Variants in NCOA6 observed in about 807,000 individuals in gnomAD.
The protein encoded by NCOA6 is nuclear receptor coactivator 6.
NCOA6 carries 49 observed loss-of-function variants against 171.4 expected under a neutral mutation model. The observed-to-expected ratio is 0.29, with a 90% CI of 0.23 to 0.36. The LOEUF (loss-of-function observed/expected upper bound fraction) is 0.36. Among genes scored for constraint, NCOA6 ranks in the 10% least tolerant of loss-of-function variants. The pLI is 1.00. For synonymous variants in NCOA6, 910 were observed against 927.5 expected, an observed-to-expected ratio of 0.98 and a Z score of 0.34; for missense variants, 2,248 against 2,554.5, an observed-to-expected ratio of 0.88 and a Z score of 2.59.
intron 1 of NCOA6, among the ~76,000 whole-genome samples, chr20:34,817,182 G>A (rs2378289): frequency 0.42 from 38,707 of 92,414 alleles, 11,465 homozygotes; most frequent in South Asian, 0.69. Context: ...TGGGTACTAC[G>A]GAACTGATAT....
intron 10 of NCOA6, among the ~76,000 whole-genome samples, chr20:34,745,398 G>A (rs1243323618): frequency 6.6e-6 from 1 of 152,164 alleles, no homozygotes; most frequent in Non-Finnish European, 1.5e-5. Flanking sequence ...ATGTGTCTGA[G>A]GCAAGCAGGC....
chr20:34,807,556 C>T (rs566233749), intron 1 of NCOA6, among the ~76,000 whole-genome samples: 1 of 152,126 alleles, frequency 6.6e-6, no homozygotes, highest in Non-Finnish European at 1.5e-5. Flanking sequence ...GATGGAGTCT[C>T]GCTCTGTCGC....
At chr20:34,717,681 T>C (rs1988775642) in intron 14 of NCOA6, among the ~76,000 whole-genome samples, 1 of 152,226 alleles carries the variant, frequency 6.6e-6, no homozygotes, top group Non-Finnish European at 1.5e-5. Flanking sequence ...TGGTGTTCTT[T>C]ATTTTAATTC....
Position 34,771,283 on chromosome 20 carries a change from C to T in NCOA6, c.392-2697G>A, listed in dbSNP as rs529671217. 2.6e-5 allele frequency among the ~76,000 whole-genome samples: 4 copies of T among 152,020 alleles called. No individual in the cohort carries two copies. In the East Asian group the frequency reaches 7.7e-4, roughly 29 times the overall value. ...TACAGGAGTATGCCAACATGCCTGG[C>T]TAATTTTTTTATTTTAAATTTTAAA... On this transcript the variant is annotated intron_variant, in intron 4 of 14. Coordinates refer to ENST00000359003, the MANE Select transcript of NCOA6 (RefSeq NM_014071.5).
chr20:34,732,688 C>A, intron 12 of NCOA6, 93 bp from the exon 13 acceptor site: 1 of 1,053,380 alleles, frequency 9.5e-7, no homozygotes, highest in Non-Finnish European at 1.4e-6. Context: ...CCTATTTAGG[C>A]TAAAGTGTCC....
At chr20:34,773,921 G>A (rs2077229637) in intron 4 of NCOA6, among the ~76,000 whole-genome samples, 1 of 152,138 alleles carries the variant, frequency 6.6e-6, no homozygotes, top group South Asian at 2.1e-4. Context: ...CAGGAGCATG[G>A]GAACAGAGAT....
At chr20:34,777,641 T>C (rs1399148695) in intron 3 of NCOA6, among the ~76,000 whole-genome samples, 2 of 151,336 alleles carry the variant, frequency 1.3e-5, no homozygotes, top group African/African-American at 2.4e-5. Context: ...CTGGAACCCT[T>C]GCGCACTGTC....
At chr20:34,800,936 A>G (rs1351798064) in intron 1 of NCOA6, among the ~76,000 whole-genome samples, 1 of 152,230 alleles carries the variant, frequency 6.6e-6, no homozygotes, top group Non-Finnish European at 1.5e-5. Context: ...CACATGGATC[A>G]TTCTCAAGGA....
chr20:34,721,238 C>CAAAAAAAAAAAAAA (rs10531679), intron 14 of NCOA6, among the ~76,000 whole-genome samples: 9 of 66,044 alleles, frequency 1.4e-4, no homozygotes, highest in African/African-American at 4.5e-4. Context: ...TTCCTCTATA[C>CAAAAAAAAAAAAAA]AAAAAAAAAA....
intron 4 of NCOA6, 47 bp from the exon 5 acceptor site, chr20:34,768,633 C>G: frequency 6.2e-7 from 1 of 1,605,338 alleles, no homozygotes; most frequent in East Asian, 2.2e-5. Context: ...GAATAAAATG[C>G]AAATTTTGTT....
rs1181687192 is a variant in NCOA6 at position 34,750,111 on chromosome 20, T to C, written c.2084A>G (p.His695Arg). Residue 695 changes from histidine (H) to arginine (R), a missense_variant, in exon 9 of 15, where the codon CAT becomes CGT. This residue lies in a region of NCOA6 where 987 missense variants were observed against 1,104.7 expected (regional missense o/e 0.89). Coordinates refer to ENST00000359003, the MANE Select transcript of NCOA6 (RefSeq NM_014071.5). Reference protein sequence around the residue: ...SQQGPQMMAPHNQMMGPQGQV... With the variant: ...SQQGPQMMAPRNQMMGPQGQV... ...CCCCTGAGGCCCCATCATCTGGTTA[T>C]GTGGCGCCATCATTTGTGGGCCCTG... 3 of 1,614,202 alleles carry C rather than the reference T, an allele frequency of 1.9e-6. No homozygotes were observed. The highest frequency in any genetic ancestry group is 4.5e-5 in the East Asian group (2 of 44,886).
chr20:34,717,722 A>T (rs1001005541), intron 14 of NCOA6, among the ~76,000 whole-genome samples: 1 of 152,346 alleles, frequency 6.6e-6, no homozygotes, highest in Admixed American at 6.5e-5. Context: ...CACAGCCCAC[A>T]TAACTCCCTA....
At chr20:34,814,322 G>C (rs1188904283) in intron 1 of NCOA6, among the ~76,000 whole-genome samples, 6 of 151,728 alleles carry the variant, frequency 4.0e-5, no homozygotes, top group African/African-American at 1.2e-4. Context: ...CTGGGTGACA[G>C]AGTAAGACTC....
chr20:34,762,940 C>T (rs1451382546), intron 5 of NCOA6, among the ~76,000 whole-genome samples: 2 of 152,098 alleles, frequency 1.3e-5, no homozygotes, highest in African/African-American at 2.4e-5. Context: ...AAAATTATTC[C>T]AATGCTTCCT....
Position 34,749,635 on chromosome 20 carries a change from T to G in NCOA6, c.2560A>C (p.Asn854His), listed in dbSNP as rs756739122. Residue 854 changes from asparagine to histidine, a missense_variant, in exon 9 of 15, where the codon AAT becomes CAT. Physicochemically the swap from Asn to His is moderately conservative, Grantham distance 68. Transcript: ENST00000359003. ...NHFSGHGMSF[N>H]APFSGAPNGN... ...TTGGGAGCTCCACTGAAAGGTGCAT[T>G]GAAAGACATCCCATGGCCTGAGAAG... 1 of 1,614,216 alleles carries G rather than the reference T, an allele frequency of 6.2e-7. No individual in the cohort carries two copies. Among genetic ancestry groups the G allele is most frequent in the South Asian group, 1.1e-5 (1 of 91,076 alleles).
chr20:34,785,562 AAACT>A (rs1393331006), intron 2 of NCOA6, among the ~76,000 whole-genome samples: 1 of 152,190 alleles, frequency 6.6e-6, no homozygotes, highest in East Asian at 1.9e-4. Context: ...TAATTAAACA[AAACT>A]AATGAAGATT....
At chr20:34,787,947 A>G (rs1000332881) in intron 2 of NCOA6, among the ~76,000 whole-genome samples, 1 of 151,528 alleles carries the variant, frequency 6.6e-6, no homozygotes, top group Non-Finnish European at 1.5e-5. Context: ...GCTCACAGCA[A>G]CCGCCGCCTT....
At chr20:34,792,283 C>A (rs1050496337) in intron 2 of NCOA6, among the ~76,000 whole-genome samples, 167 bp downstream of exon 2, 2 of 151,300 alleles carry the variant, frequency 1.3e-5, no homozygotes, top group South Asian at 2.1e-4. Context: ...GTAGTAAAAA[C>A]CCCATTTAAA....
chr20:34,749,860 G>C lies in NCOA6; in HGVS notation c.2335C>G (p.Gln779Glu), dbSNP rs374502350. The change falls in exon 9 of 15, where the codon CAG becomes GAG. Residue 779 changes from glutamine to glutamate, a missense_variant. Gln to Glu is a conservative substitution (Grantham distance 29). Coordinates refer to ENST00000359003, the MANE Select transcript of NCOA6 (RefSeq NM_014071.5). ...ACCTGTCCCTGAATGCCCATAACCT[G>C]AGATGGACTGTTGTTCACAGGCCCT... ...QQGPVNNSPS[Q>E]VMGIQGQVLR... The C allele has an allele frequency of 2.3e-5, 37 of 1,614,140 alleles. No homozygotes were observed. Among genetic ancestry groups the C allele is most frequent in the Non-Finnish European group, 3.0e-5 (35 of 1,180,052 alleles).
Sources: gnomAD v4.1 joint callset for allele counts (sites outside exome capture counted in the v4.1 genomes callset) on GRCh38, gnomAD v4.1.1 for gene constraint, gnomAD v4.1.1 regional missense constraint, MANE v1.5 for transcripts, NCBI Gene and HGNC (gene_info 2026-07-23, HGNC 2026-07-21) for gene names.